The following MCUR1 variants were observed in gnomAD, a reference collection of about 807,000 sequenced individuals.
The protein encoded by MCUR1 is mitochondrial calcium uniporter regulator 1.
In MCUR1, 37 loss-of-function variants were observed where a neutral mutation model predicts 42.0. The observed-to-expected ratio is 0.88, with a 90% CI of 0.68 to 1.16. The LOEUF is 1.16. Among genes scored for constraint, MCUR1 ranks in the 50% most tolerant of loss-of-function variants. The probability of loss-of-function intolerance (pLI) is 0.00; values close to 1 mark genes in which losing one functional copy is unlikely to be tolerated. For synonymous variants in MCUR1, 229 were observed against 196.2 expected (o/e 1.17, Z -1.40); for missense variants, 469 against 468.4 (o/e 1.00, Z -0.01).
chr6:13,806,670 A>C (rs1366520570), intron 2 of MCUR1, among the ~76,000 whole-genome samples: 1 of 152,206 alleles, frequency 6.6e-6, no homozygotes, highest in Non-Finnish European at 1.5e-5. Flanking sequence ...GTGTGCCTGT[A>C]GTCCCAGCTA....
At chr6:13,804,200 G>A in intron 2 of MCUR1, 2 of 209,736 alleles carry the variant, frequency 9.5e-6, no homozygotes, top group South Asian at 5.2e-5. Context: ...GTGCATGCCT[G>A]TAATCCCAGC....
chr6:13,797,235 C>T (rs1037982983), intron 6 of MCUR1, among the ~76,000 whole-genome samples: 5 of 152,206 alleles, frequency 3.3e-5, no homozygotes, highest in Admixed American at 6.5e-5. Flanking sequence ...TACTCAGTTT[C>T]TGCATGTGTA....
intron 1 of MCUR1, among the ~76,000 whole-genome samples, chr6:13,808,863 C>T (rs1760168863): frequency 6.6e-6 from 1 of 152,132 alleles, no homozygotes; most frequent in African/African-American, 2.4e-5. Context: ...TGTGTTTGTC[C>T]TTACGCCAGT....
intron 6 of MCUR1, among the ~76,000 whole-genome samples, chr6:13,795,663 T>C (rs1759838544): frequency 1.3e-5 from 2 of 152,070 alleles, no homozygotes; most frequent in South Asian, 4.1e-4. Context: ...TGACATAAAT[T>C]CACTGGCTTG....
intron 1 of MCUR1, 47 bp from the exon 2 acceptor site, chr6:13,807,091 A>T: frequency 6.4e-7 from 1 of 1,552,346 alleles, no homozygotes; most frequent in Non-Finnish European, 8.7e-7. Context: ...CATGCAAAAC[A>T]AAAGCAACTC....
intron 5 of MCUR1, 72 bp downstream of exon 5, chr6:13,800,269 T>C (rs1346742121): frequency 1.0e-6 from 1 of 995,550 alleles, no homozygotes; most frequent in South Asian, 1.7e-5. Context: ...AAAACATCCA[T>C]TTCTAATATT....
intron 6 of MCUR1, among the ~76,000 whole-genome samples, chr6:13,797,300 A>C (rs1047622230): frequency 1.3e-5 from 2 of 152,204 alleles, no homozygotes; most frequent in Non-Finnish European, 2.9e-5. Flanking sequence ...CATTATGCTA[A>C]GAATAAAAAA....
chr6:13,804,878 T>C (rs1379283123), intron 2 of MCUR1, among the ~76,000 whole-genome samples: 3 of 148,352 alleles, frequency 2.0e-5, no homozygotes, highest in Admixed American at 1.4e-4. Context: ...CACGAGGGAA[T>C]AGGACAGAAC....
Position 13,787,181 on chromosome 6 carries a change from G to A in MCUR1, c.*3628C>T, listed in dbSNP as rs1031182351. ...AGAAGGCTAGAAGAGGGAAGATTAT[G>A]TCACTAAGCATAGCTACAAAAGGAA... On this transcript the variant is annotated 3_prime_UTR_variant, in exon 9 of 9. Coordinates refer to ENST00000379170, the MANE Select transcript of MCUR1 (RefSeq NM_001031713.4). 1.3e-5 allele frequency: 2 copies of A among 152,116 alleles called. No individual in the cohort carries two copies. The highest frequency in any genetic ancestry group is 4.8e-5 in the African/African-American group (2 of 41,424). The allele number at this position is 152,116 out of a possible 1,614,324, so 9.4% of individuals were successfully genotyped here.
chr6:13,806,777 A>T, intron 2 of MCUR1, 148 bp downstream of exon 2: 2 of 1,007,034 alleles, frequency 2.0e-6, no homozygotes, highest in Non-Finnish European at 2.7e-6. Flanking sequence ...TGACAGAGCC[A>T]GAGCCTGTCT....
At chr6:13,812,336 G>A (rs537872027) in intron 1 of MCUR1, among the ~76,000 whole-genome samples, 5 of 152,042 alleles carry the variant, frequency 3.3e-5, no homozygotes, top group Admixed American at 2.0e-4. Flanking sequence ...TTCCTTAACT[G>A]TGTCTCTGCT....
At chr6:13,802,429 A>T in intron 2 of MCUR1, 83 bp from the exon 3 acceptor site, 1 of 1,084,228 alleles carries the variant, frequency 9.2e-7, no homozygotes, top group Non-Finnish European at 1.4e-6. Flanking sequence ...TGAATGTCCA[A>T]ATCCAGGAGG....
chr6:13,813,377 T>A (rs1223633351), intron 1 of MCUR1, among the ~76,000 whole-genome samples: 2 of 152,164 alleles, frequency 1.3e-5, no homozygotes, highest in African/African-American at 4.8e-5. Context: ...ATACCAGGCA[T>A]CGAATTACGA....
chr6:13,805,449 C>T (rs899491063), intron 2 of MCUR1, among the ~76,000 whole-genome samples: 2 of 152,144 alleles, frequency 1.3e-5, no homozygotes, highest in African/African-American at 2.4e-5. Context: ...TTCATTCATG[C>T]GTATTATCTT....
At chr6:13,794,657 G>A (rs1450754441) in intron 6 of MCUR1, among the ~76,000 whole-genome samples, 6 of 128,768 alleles carry the variant, frequency 4.7e-5, no homozygotes, top group Middle Eastern at 3.8e-3. Flanking sequence ...TTTTTGGCTT[G>A]GTTTTTTGTT....
At chr6:13,801,083 G>A (rs558849211) in intron 4 of MCUR1, among the ~76,000 whole-genome samples, 65 of 152,308 alleles carry the variant, frequency 4.3e-4, no homozygotes, top group African/African-American at 1.4e-3. Context: ...CCAGGACAGC[G>A]TTTCCTCTGG....
In MCUR1 at chr6:13,814,349, G is replaced by A. The variant is rs531525759; in HGVS notation, c.81C>T (p.Leu27=). 1.6e-4 allele frequency: 240 copies of A among 1,517,662 alleles called. No individual in the cohort carries two copies. The South Asian group carries it at 2.7e-3, about 17-fold the overall frequency. The allele number at this position is 1,517,662 out of a possible 1,614,324, so 94.0% of individuals were successfully genotyped here. A position where few individuals can be genotyped will look rare whatever the true frequency, so the allele number is the denominator to read the frequency against. ...TTTCGCTGCCGCCCGGTCTTCCGCT[G>A]AGGCCCACGGGCAAGAAGAGAAGCC... ...RQRLLFLPVG[L]SGRPGGSETS... The change falls in exon 1 of 9, where the codon CTC becomes CTT. Residue 27 remains leucine, a synonymous_variant. Coordinates refer to ENST00000379170, the MANE Select transcript of MCUR1 (RefSeq NM_001031713.4).
chr6:13,791,748 T>A, intron 8 of MCUR1, 130 bp downstream of exon 8: 2 of 625,606 alleles, frequency 3.2e-6, no homozygotes, highest in Admixed American at 3.3e-5. Flanking sequence ...TGTAAGATGC[T>A]TTCCAATTTC....
intron 2 of MCUR1, chr6:13,803,755 G>A: frequency 6.1e-6 from 6 of 985,188 alleles, no homozygotes; most frequent in Non-Finnish European, 7.2e-6. Context: ...GTTTAGCTCT[G>A]ACTCTGTTTT....
Sources: allele counts gnomAD v4.1 joint callset (sites outside exome capture counted in the v4.1 genomes callset), GRCh38; gene constraint gnomAD v4.1.1; transcripts MANE v1.5; gene names NCBI Gene and HGNC (gene_info 2026-07-23, HGNC 2026-07-21).